Variants in CCSER1 observed in about 807,000 individuals in gnomAD.
CCSER1 encodes the protein coiled-coil serine rich protein 1.
CCSER1 carries 41 observed loss-of-function variants against 82.0 expected under a neutral mutation model. The ratio of observed to expected loss-of-function variants is 0.50; its 90% CI spans 0.39 to 0.65. CCSER1 has a LOEUF of 0.65. Ranked by LOEUF, CCSER1 falls within the 30% of genes least tolerant of loss-of-function variation. CCSER1 has a pLI of 0.00. For missense variants in CCSER1, 1,119 were observed against 1,064.2 expected, an observed-to-expected ratio of 1.05 and a Z score of -0.72; for synonymous variants, 414 against 383.9, an observed-to-expected ratio of 1.08 and a Z score of -0.92.
intron 6 of CCSER1, among the ~76,000 whole-genome samples, chr4:90,695,716 A>T (rs1276062116): frequency 6.6e-6 from 1 of 152,082 alleles, no homozygotes; most frequent in Non-Finnish European, 1.5e-5. Flanking sequence ...TTACATTAGC[A>T]CATTTTATTT....
intron 7 of CCSER1, among the ~76,000 whole-genome samples, chr4:90,813,238 C>T (rs1478227010): frequency 4.6e-5 from 7 of 152,220 alleles, no homozygotes; most frequent in African/African-American, 1.4e-4. Context: ...TTGGCCAAAA[C>T]AAAAGGGCCA....
At chr4:91,410,339 A>AACTT (rs1752948924) in intron 10 of CCSER1, among the ~76,000 whole-genome samples, 1 of 152,180 alleles carries the variant, frequency 6.6e-6, no homozygotes, top group Non-Finnish European at 1.5e-5. Context: ...TAGATGAAAT[A>AACTT]ACTTAAAGGG....
intron 3 of CCSER1, among the ~76,000 whole-genome samples, chr4:90,315,472 T>C (rs1736011080): frequency 6.6e-6 from 1 of 152,160 alleles, no homozygotes; most frequent in African/African-American, 2.4e-5. Flanking sequence ...TGTCTCATCT[T>C]TCAGTTACTT....
At chr4:90,595,393 ACT>A (rs2148715754) in intron 5 of CCSER1, among the ~76,000 whole-genome samples, 1 of 152,128 alleles carries the variant, frequency 6.6e-6, no homozygotes, top group East Asian at 1.9e-4. Flanking sequence ...TAGTTAAATC[ACT>A]CAGGCAAAAT....
intron 7 of CCSER1, among the ~76,000 whole-genome samples, chr4:90,727,532 T>C (rs780061696): frequency 1.3e-5 from 2 of 152,208 alleles, no homozygotes; most frequent in Non-Finnish European, 2.9e-5. Context: ...ATCTAATCAC[T>C]TCCTATCTCA....
chr4:90,864,445 G>A (rs1380674985), intron 8 of CCSER1, among the ~76,000 whole-genome samples: 3 of 151,776 alleles, frequency 2.0e-5, no homozygotes, highest in Non-Finnish European at 2.9e-5. Context: ...GAGTAAGTTC[G>A]CTATCTAAAG....
At chr4:90,331,479 A>G (rs1739278938) in intron 3 of CCSER1, among the ~76,000 whole-genome samples, 1 of 152,220 alleles carries the variant, frequency 6.6e-6, no homozygotes, top group Non-Finnish European at 1.5e-5. Flanking sequence ...AAAAGAAACT[A>G]AAAGAAAGTC....
intron 1 of CCSER1, among the ~76,000 whole-genome samples, chr4:90,165,814 G>A (rs761680678): frequency 1.2e-4 from 18 of 151,910 alleles, no homozygotes; most frequent in Non-Finnish European, 2.2e-4. Context: ...TGAAGTATGA[G>A]GCAAGCTGTG....
intron 10 of CCSER1, among the ~76,000 whole-genome samples, chr4:91,409,413 C>CACTT (rs1217758952): frequency 6.6e-6 from 1 of 152,128 alleles, no homozygotes; most frequent in Non-Finnish European, 1.5e-5. Flanking sequence ...TTTCCAGTGA[C>CACTT]ACTTAATTTT....
chr4:91,092,990 C>A (rs572586626), intron 10 of CCSER1, among the ~76,000 whole-genome samples: 299 of 152,230 alleles, frequency 2.0e-3, no homozygotes, highest in African/African-American at 6.7e-3. Context: ...ATTTTATGTC[C>A]TTTCCCCCGA....
chr4:90,290,800 C>A (rs1365534118), intron 1 of CCSER1, among the ~76,000 whole-genome samples: 10 of 151,974 alleles, frequency 6.6e-5, no homozygotes, highest in Admixed American at 6.6e-4. Context: ...ATTTGGAATA[C>A]TAAGCCACTT....
intron 10 of CCSER1, among the ~76,000 whole-genome samples, chr4:91,450,387 G>A (rs983318426): frequency 2.6e-5 from 4 of 151,966 alleles, no homozygotes; most frequent in Admixed American, 1.3e-4. Flanking sequence ...TAAAACCTTA[G>A]GAAGGACTTC....
intron 1 of CCSER1, among the ~76,000 whole-genome samples, chr4:90,155,783 C>G (rs1480881834): frequency 6.7e-6 from 1 of 148,782 alleles, no homozygotes; most frequent in Admixed American, 6.7e-5. Context: ...ATTAGTCTTG[C>G]TAGCGGTCTA....
chr4:90,669,600 G>A (rs796324365), intron 6 of CCSER1, among the ~76,000 whole-genome samples: 8 of 152,142 alleles, frequency 5.3e-5, no homozygotes, highest in African/African-American at 1.7e-4. Context: ...GGAAGGTATC[G>A]TTTAGGGGAG....
intron 5 of CCSER1, among the ~76,000 whole-genome samples, chr4:90,571,448 T>C (rs1200195192): frequency 6.6e-6 from 1 of 152,110 alleles, no homozygotes. Context: ...ACAACATGGA[T>C]GTGGCTGGAG....
chr4:90,148,498 A>G (rs2153347718), intron 1 of CCSER1, among the ~76,000 whole-genome samples: 1 of 152,312 alleles, frequency 6.6e-6, no homozygotes, highest in South Asian at 2.1e-4. Context: ...ATATGGTAGT[A>G]CAAGGTTGAT....
chr4:90,381,871 A>G (rs1188738556), intron 3 of CCSER1, among the ~76,000 whole-genome samples: 2 of 152,090 alleles, frequency 1.3e-5, no homozygotes, highest in Non-Finnish European at 2.9e-5. Flanking sequence ...TATACCTTCA[A>G]TAATTATTTT....
In CCSER1 at chr4:90,790,456, C is replaced by G. The variant is rs1321769373; in HGVS notation, c.2011-25306C>G. Among the ~76,000 whole-genome samples the G allele has an allele frequency of 7.2e-5, 11 of 152,160 alleles. No individual in the cohort carries two copies. In the East Asian group the frequency reaches 2.1e-3, roughly 29 times the overall value. On this transcript the variant is annotated intron_variant, in intron 7 of 10. Transcript: ENST00000509176. ...TACTTGTTCCCCAAACTCTTGCCTC[C>G]AGGAATTTTAATGTTCCTACCTTTG...
At chr4:90,809,815 C>T (rs1429199796) in intron 7 of CCSER1, among the ~76,000 whole-genome samples, 1 of 151,948 alleles carries the variant, frequency 6.6e-6, no homozygotes, top group Non-Finnish European at 1.5e-5. Flanking sequence ...TTACTTGAGC[C>T]CAGGACTTTG....
Sources: gnomAD v4.1 joint callset for allele counts (sites outside exome capture counted in the v4.1 genomes callset) on GRCh38, gnomAD v4.1.1 for gene constraint, MANE v1.5 for transcripts, NCBI Gene and HGNC (gene_info 2026-07-23, HGNC 2026-07-21) for gene names.